XIST: variants seen among roughly 807,000 people sequenced by gnomAD.
XIST encodes X inactive specific transcript.
exon 1 of XIST, chrX:73,842,175 A>AT (rs1017374794): frequency 6.1e-5 from 31 of 510,724 alleles, no homozygotes; most frequent in Admixed American, 2.9e-4. Context: ...TCTTAAAAAA[A>AT]TTTTTTTAAT....
At chrX:73,827,599 A>G (rs1333691794) in exon 6 of XIST, 2 of 546,830 alleles carry the variant, frequency 3.7e-6, no homozygotes, top group Non-Finnish European at 6.6e-6. Flanking sequence ...GACTCAGAAA[A>G]AAGGTGAAAT....
exon 1 of XIST, chrX:73,851,606 G>C (rs1456117974): frequency 1.8e-6 from 1 of 556,987 alleles, no homozygotes; most frequent in African/African-American, 2.2e-5. Flanking sequence ...TTTTTAACTA[G>C]TCCCTTGTAC....
At chrX:73,848,145 G>A (rs778019245) in exon 1 of XIST, 2 of 558,385 alleles carry the variant, frequency 3.6e-6, no homozygotes, top group South Asian at 2.2e-5. Flanking sequence ...AAGAGGGTGT[G>A]AGCAGTTGGG....
chrX:73,828,023 GAAGT>G (rs1184966904), intron 5 of XIST: 5 of 476,351 alleles, frequency 1.0e-5, no homozygotes, highest in African/African-American at 4.8e-5. Context: ...ACATTCAGAG[GAAGT>G]AAGTAGTAGA....
chrX:73,835,914 G>A (rs1264940379), intron 2 of XIST, among the ~76,000 whole-genome samples: 3 of 111,892 alleles, frequency 2.7e-5, no homozygotes, highest in Non-Finnish European at 5.6e-5. Context: ...TGACAATGCT[G>A]TTAATCAGGG....
exon 6 of XIST, chrX:73,824,073 A>G (rs1285750181): frequency 1.8e-6 from 1 of 553,094 alleles, no homozygotes; most frequent in African/African-American, 2.2e-5. Context: ...AAGAGTAATC[A>G]ATGATCATTC....
intron 1 of XIST, among the ~76,000 whole-genome samples, chrX:73,838,417 C>A (rs1340214220): frequency 3.6e-5 from 4 of 111,051 alleles, no homozygotes; most frequent in African/African-American, 1.3e-4. Context: ...GAAAATAATA[C>A]TTTAAGTCTA....
At chrX:73,825,361 T>C (rs764679721) in exon 6 of XIST, 11 of 557,810 alleles carry the variant, frequency 2.0e-5, no homozygotes, top group Non-Finnish European at 2.3e-5. Context: ...AGCACTTTTT[T>C]ATGCTTGCTC....
exon 1 of XIST, chrX:73,844,632 G>T (rs368201746): frequency 1.8e-6 from 1 of 558,942 alleles, no homozygotes; most frequent in Non-Finnish European, 3.2e-6. Context: ...GGAAAAGAAA[G>T]ATTATGCGTA....
exon 1 of XIST, chrX:73,847,369 T>C: frequency 3.9e-6 from 2 of 515,994 alleles, no homozygotes; most frequent in East Asian, 3.6e-5. Flanking sequence ...GCCAAGGAGG[T>C]GTGAGGGGGA....
At chrX:73,820,689 A>G (rs1406471370) in exon 6 of XIST, 1 of 539,213 alleles carries the variant, frequency 1.9e-6, no homozygotes, top group Admixed American at 2.5e-5. Flanking sequence ...TTACAATAGC[A>G]ACCAACTCCC....
rs562033549 is a variant in XIST, at chrX:73,820,902, C to A, written n.18999G>T. Reference sequence around the variant, plus strand: ...TTGAGGTAGAAGGACAATGACGAAGCCACTTAATTCCTTGTGTCTGCATAA... The same window carrying A: ...TTGAGGTAGAAGGACAATGACGAAGACACTTAATTCCTTGTGTCTGCATAA... On this transcript the variant is annotated non_coding_transcript_exon_variant, in exon 6 of 6. Coordinates refer to ENST00000429829, the Ensembl canonical transcript of XIST. 1.1e-5 allele frequency: 6 copies of A among 559,088 alleles called. No homozygotes were observed. In the South Asian group the frequency reaches 1.3e-4, roughly 12 times the overall value. 46.1% of individuals were successfully genotyped at this position (559,088 alleles called of 1,213,427 possible).
rs1044014162 is a variant in XIST at position 73,830,955 on chromosome X, A to G, written n.11752+111T>C. 2.8e-5 allele frequency: 13 copies of G among 457,163 alleles called. No homozygotes were observed. The African/African-American group carries it at 3.1e-4, about 11-fold the overall frequency. The allele number at this position is 457,163 out of a possible 1,213,427, so 37.7% of individuals were successfully genotyped here. A position where few individuals can be genotyped will look rare whatever the true frequency, so the allele number is the denominator to read the frequency against. ...TAGGAAGCTGTTTTTACCAAATCAT[A>G]TGCAGAATAATGATGAATACGACCT... On this transcript the variant is annotated intron_variant and non_coding_transcript_variant, in intron 4 of 5. Coordinates refer to ENST00000429829, the Ensembl canonical transcript of XIST.
exon 1 of XIST, chrX:73,846,167 A>G: frequency 1.8e-6 from 1 of 552,482 alleles, no homozygotes; most frequent in Non-Finnish European, 3.2e-6. Context: ...AAACATAATC[A>G]CACGCATACC....
At chrX:73,848,035 G>A (rs1336960346) in exon 1 of XIST, 1 of 559,381 alleles carries the variant, frequency 1.8e-6, no homozygotes, top group South Asian at 2.2e-5. Flanking sequence ...CTAGGGAAGT[G>A]AGTGGGGTCT....
At chrX:73,827,587 C>A in exon 6 of XIST, 1 of 546,396 alleles carries the variant, frequency 1.8e-6, no homozygotes, top group Non-Finnish European at 3.3e-6. Context: ...GAAAGGAGGC[C>A]AGACTCAGAA....
exon 6 of XIST, chrX:73,822,365 C>T (rs1306021143): frequency 1.9e-6 from 1 of 536,977 alleles, no homozygotes; most frequent in South Asian, 2.4e-5. Context: ...TATTTAGGGA[C>T]TAAGCCATGC....
chrX:73,831,462 TC>T (rs1235245157), intron 3 of XIST: 1 of 354,046 alleles, frequency 2.8e-6, no homozygotes, highest in Non-Finnish European at 4.9e-6. Context: ...AAAAAAATTA[TC>T]CTATTCATTC....
chrX:73,848,442 AGGGTC>A (rs1569512731), exon 1 of XIST: 3 of 558,217 alleles, frequency 5.4e-6, no homozygotes, highest in Non-Finnish European at 9.7e-6. Context: ...TTGAGTAGTA[AGGGTC>A]CCCTGCTGGA....
Sources: allele counts gnomAD v4.1 joint callset (sites outside exome capture counted in the v4.1 genomes callset), GRCh38; gene constraint gnomAD v4.1.1; transcripts MANE v1.5; gene names NCBI Gene and HGNC (gene_info 2026-07-23, HGNC 2026-07-21).